WRNIP1: variants seen among roughly 807,000 people sequenced by gnomAD.
The protein encoded by WRNIP1 is ATPase WRNIP1.
Under a neutral mutation model 56.1 loss-of-function variants are expected in WRNIP1, and 41 were observed. The observed-to-expected ratio is 0.73, with a 90% confidence interval of 0.57 to 0.95. The LOEUF (loss-of-function observed/expected upper bound fraction) is 0.95. WRNIP1 is among the 40% of genes least tolerant of loss of function. The probability of loss-of-function intolerance (pLI) is 0.00; values close to 1 mark genes in which losing one functional copy is unlikely to be tolerated. For missense variants in WRNIP1, 1,170 were observed against 939.4 expected, an observed-to-expected ratio of 1.25 and a Z score of -3.21; for synonymous variants, 547 against 398.1, an observed-to-expected ratio of 1.37 and a Z score of -4.45.
chr6:2,785,076 A>G lies in WRNIP1; in HGVS notation c.1792A>G (p.Asn598Asp), dbSNP rs1457822732. The G allele has an allele frequency of 6.2e-7, 1 of 1,614,184 alleles. No individual in the cohort carries two copies. The highest frequency in any genetic ancestry group is 1.7e-5 in the Admixed American group (1 of 60,020). Reference sequence around the variant, plus strand: ...GTCCATTGAGGTGTACAGCGCCTACAACAACGTCAAAGCCTGCCTGAGGAA... The same window carrying G: ...GTCCATTGAGGTGTACAGCGCCTACGACAACGTCAAAGCCTGCCTGAGGAA... ...PKSIEVYSAYNNVKACLRNHQ... is the reference protein window; with the variant it reads ...PKSIEVYSAYDNVKACLRNHQ... The change falls in exon 7 of 7, where the codon AAC becomes GAC. Residue 598 changes from asparagine (N) to aspartate (D), a missense_variant. Coordinates refer to ENST00000380773, the MANE Select transcript of WRNIP1 (RefSeq NM_020135.3).
intron 3 of WRNIP1, chr6:2,774,190 G>A: frequency 2.0e-6 from 2 of 985,246 alleles, no homozygotes; most frequent in Non-Finnish European, 2.4e-6. Flanking sequence ...CATTAACATA[G>A]CTGTTTTAAT....
intron 5 of WRNIP1, 43 bp from the exon 6 acceptor site, chr6:2,784,281 G>A (rs767259969): frequency 2.5e-6 from 4 of 1,587,520 alleles, no homozygotes; most frequent in Non-Finnish European, 1.7e-6. Context: ...GGAGGACAGT[G>A]TGTGTCATGA....
rs1443713716 is a variant in WRNIP1 at position 2,765,982 on chromosome 6, C to T, written c.360C>T (p.Ala120=). ...ACGCGCCGCCCACACCCAGCGGCGC[C>T]CGCCTTATCCCCGACTTCCCGGTGG... ...SYDAPPTPSG[A]RLIPDFPVAR... is the part of the protein sequence containing the mutation. The change falls in exon 1 of 7, where the codon GCC becomes GCT. Residue 120 remains alanine (A), a synonymous_variant. Transcript: ENST00000380773. 3.6e-6 allele frequency: 5 copies of T among 1,398,840 alleles called. No individual in the cohort carries two copies. The highest frequency in any genetic ancestry group is 4.7e-6 in the Non-Finnish European group (5 of 1,074,960). The allele number at this position is 1,398,840 out of a possible 1,614,324, so 86.7% of individuals were successfully genotyped here.
At chr6:2,776,368 C>T (rs1236891093) in intron 3 of WRNIP1, among the ~76,000 whole-genome samples, 3 of 152,144 alleles carry the variant, frequency 2.0e-5, no homozygotes, top group Non-Finnish European at 2.9e-5. Context: ...ACAGAGTTGC[C>T]GACAGATTGA....
At chr6:2,770,474 T>C (rs1178294032) in intron 3 of WRNIP1, 113 bp downstream of exon 3, 3 of 1,409,842 alleles carry the variant, frequency 2.1e-6, no homozygotes, top group Non-Finnish European at 2.8e-6. Context: ...AGAGAAGAAA[T>C]GTTGATCCGC....
rs1251603432 is a variant in WRNIP1, at chr6:2,784,394, T to A, written c.1713T>A (p.Pro571=). 1 of 1,613,902 alleles carries A rather than the reference T, an allele frequency of 6.2e-7. No homozygotes were observed. The highest frequency in any genetic ancestry group is 1.3e-5 in the African/African-American group (1 of 74,950). The change falls in exon 6 of 7, where the codon CCT becomes CCA. Residue 571 remains proline, a synonymous_variant. Transcript: ENST00000380773. The part of the protein sequence containing the change: ...AYQGCHFIGM[P]ECEVLLAQCV... ...AAGGCTGTCATTTTATAGGCATGCCTGAATGTGAGGTAAAGTAATCAGCTC... is the reference window on the plus strand; with the variant it reads ...AAGGCTGTCATTTTATAGGCATGCCAGAATGTGAGGTAAAGTAATCAGCTC...
intron 3 of WRNIP1, among the ~76,000 whole-genome samples, chr6:2,774,821 T>G (rs1765395486): frequency 6.6e-6 from 1 of 152,248 alleles, no homozygotes; most frequent in African/African-American, 2.4e-5. Flanking sequence ...TCTGATGTTA[T>G]GGAAGCGGCA....
Position 2,786,149 on chromosome 6 carries a change from A to G in WRNIP1, c.*867A>G, listed in dbSNP as rs1388821044. 3 of 152,218 alleles carry G rather than the reference A, an allele frequency of 2.0e-5. No homozygotes were observed. The highest frequency in any genetic ancestry group is 7.2e-5 in the African/African-American group (3 of 41,418). The allele number at this position is 152,218 out of a possible 1,614,324, so 9.4% of individuals were successfully genotyped here. On this transcript the variant is annotated 3_prime_UTR_variant, in exon 7 of 7. Transcript: ENST00000380773. Reference sequence around the variant, plus strand: ...CTCTCCTTAGTTGCATGTCGTGCATATGCCCACAAGGATGGCCCCTTCAGG... The same window carrying G: ...CTCTCCTTAGTTGCATGTCGTGCATGTGCCCACAAGGATGGCCCCTTCAGG...
At chr6:2,770,569 C>T (rs945301597) in intron 3 of WRNIP1, among the ~76,000 whole-genome samples, 4 of 152,162 alleles carry the variant, frequency 2.6e-5, no homozygotes, top group African/African-American at 9.7e-5. Flanking sequence ...ATTTTCCAGC[C>T]TCTAATATGT....
rs983452215 is a variant in WRNIP1, at chr6:2,785,937, T to C, written c.*655T>C. On this transcript the variant is annotated 3_prime_UTR_variant, in exon 7 of 7. Transcript: ENST00000380773. ...TTTAAAGGAATACATAAAGGAATTCTTTAAATGGCTTGTGGAAGACTCCAG... is the reference window on the plus strand; with the variant it reads ...TTTAAAGGAATACATAAAGGAATTCCTTAAATGGCTTGTGGAAGACTCCAG... 6.6e-6 allele frequency: 1 copy of C among 152,312 alleles called. No individual in the cohort carries two copies. The highest frequency in any genetic ancestry group is 1.5e-5 in the Non-Finnish European group (1 of 67,972). The allele number at this position is 152,312 out of a possible 1,614,324, so 9.4% of individuals were successfully genotyped here. A position where few individuals can be genotyped will look rare whatever the true frequency, so the allele number is the denominator to read the frequency against.
intron 2 of WRNIP1, 115 bp downstream of exon 2, chr6:2,768,997 G>T: frequency 9.5e-7 from 1 of 1,048,208 alleles, no homozygotes; most frequent in Non-Finnish European, 1.3e-6. Context: ...AGAAGCGTAG[G>T]CTTGTGAACC....
In WRNIP1 at chr6:2,765,977, G is replaced by T; in HGVS notation, c.355G>T (p.Gly119Cys). 1 of 1,402,712 alleles carries T rather than the reference G, an allele frequency of 7.1e-7. No homozygotes were observed. Among genetic ancestry groups the T allele is most frequent in the East Asian group, 3.1e-5 (1 of 32,706 alleles). 86.9% of individuals were successfully genotyped at this position (1,402,712 alleles called of 1,614,324 possible). The stretch of plus-strand genomic sequence containing the variant: ...CTACGACGCGCCGCCCACACCCAGC[G>T]GCGCCCGCCTTATCCCCGACTTCCC... ...ESYDAPPTPS[G>C]ARLIPDFPVA... Residue 119 changes from glycine to cysteine, a missense_variant, in exon 1 of 7, where the codon GGC (glycine) becomes TGC (cysteine). Gly to Cys is a radical substitution (Grantham distance 159). Transcript: ENST00000380773.
At chr6:2,780,112 A>G (rs997629571) in intron 4 of WRNIP1, among the ~76,000 whole-genome samples, 2 of 152,234 alleles carry the variant, frequency 1.3e-5, no homozygotes, top group Non-Finnish European at 2.9e-5. Context: ...TTAGCACAGC[A>G]CATTTGCATC....
intron 3 of WRNIP1, chr6:2,772,926 TTCTC>T (rs964273339): frequency 9.6e-5 from 94 of 974,404 alleles, no homozygotes; most frequent in Non-Finnish European, 1.1e-4. Flanking sequence ...TATACTTACT[TTCTC>T]TCTCCAGGAA....
At chr6:2,773,092 C>T (rs916484446) in intron 3 of WRNIP1, 14 of 985,356 alleles carry the variant, frequency 1.4e-5, no homozygotes, top group East Asian at 2.3e-4. Context: ...GCCGCTTAGC[C>T]GTTCTTGATT....
chr6:2,768,463 C>T (rs2113452549), intron 1 of WRNIP1, among the ~76,000 whole-genome samples: 1 of 152,314 alleles, frequency 6.6e-6, no homozygotes, highest in East Asian at 1.9e-4. Context: ...GAGAAAAGGT[C>T]AGGATTAGCC....
At chr6:2,766,606 T>C (rs892779330) in intron 1 of WRNIP1, among the ~76,000 whole-genome samples, 162 bp downstream of exon 1, 2 of 152,102 alleles carry the variant, frequency 1.3e-5, no homozygotes, top group African/African-American at 4.8e-5. Context: ...GGTCCACAGG[T>C]GGAGTCTGTG....
At chr6:2,783,281 C>G (rs1765612450) in intron 4 of WRNIP1, 125 bp from the exon 5 acceptor site, 11 of 1,108,652 alleles carry the variant, frequency 9.9e-6, no homozygotes. Context: ...GCTGCCCAAA[C>G]CTCTCCTCGG....
intron 3 of WRNIP1, chr6:2,772,952 G>A (rs1274287240): frequency 2.0e-6 from 2 of 985,036 alleles, no homozygotes; most frequent in East Asian, 2.3e-4. Flanking sequence ...CTATTGGTGT[G>A]CATTTGTATT....
Sources: allele counts gnomAD v4.1 joint callset (sites outside exome capture counted in the v4.1 genomes callset), GRCh38; gene constraint gnomAD v4.1.1; transcripts MANE v1.5; gene names NCBI Gene and HGNC (gene_info 2026-07-23, HGNC 2026-07-21).